RNF19A: variants seen among roughly 807,000 people sequenced by gnomAD.
The protein encoded by RNF19A is ring finger protein 19A, RBR E3 ubiquitin protein ligase.
A neutral mutation model predicts 75.7 loss-of-function variants in RNF19A; 32 were observed. The ratio of observed to expected loss-of-function variants is 0.42; its 90% CI spans 0.32 to 0.57. The LOEUF is 0.57. Ranked by LOEUF, RNF19A falls within the 20% of genes least tolerant of loss-of-function variation. The pLI, the probability that RNF19A is intolerant of heterozygous loss-of-function variation, is 0.10. For synonymous variants in RNF19A, 335 were observed against 345.2 expected, an observed-to-expected ratio of 0.97 and a Z score of 0.33; for missense variants, 782 against 1,036.3, an observed-to-expected ratio of 0.75 and a Z score of 3.37.
chr8:100,267,678 CTTT>C (rs34590798), intron 5 of RNF19A, among the ~76,000 whole-genome samples: 3 of 138,656 alleles, frequency 2.2e-5, no homozygotes, highest in Non-Finnish European at 3.1e-5. Flanking sequence ...CTTGTTAGTT[CTTT>C]TTTTTTTTTT....
intron 1 of RNF19A, among the ~76,000 whole-genome samples, chr8:100,292,063 G>C (rs1193263018): frequency 7.1e-6 from 1 of 141,706 alleles, no homozygotes; most frequent in African/African-American, 2.6e-5. Context: ...CACTACAGAA[G>C]CTTAAAGCTA....
At position 100,317,660 on chromosome 8, in the gene RNF19A, T is replaced by C. The variant is rs1172039781; in HGVS notation, c.-242-4288A>G. Among the ~76,000 whole-genome samples the C allele has an allele frequency of 6.6e-6, 1 of 152,176 alleles. No homozygotes were observed. The highest frequency in any genetic ancestry group is 1.9e-4 in the East Asian group (1 of 5,194). ...GTGCTGGTGACCTGGACCAGAATCC[T>C]CCAGAGGCTTCTACAAATTGAGCTG... is the stretch of plus-strand genomic sequence containing the variant. On this transcript the variant is annotated intron_variant, in intron 1 of 3. Transcript: ENST00000519527. This position sits in a 1 kb window ranked among gnomAD's most constrained non-coding sequence, Gnocchi z 4.3.
At chr8:100,263,803 G>A (rs1222813228) in intron 7 of RNF19A, among the ~76,000 whole-genome samples, 2 of 152,084 alleles carry the variant, frequency 1.3e-5, no homozygotes, top group Admixed American at 6.5e-5. Flanking sequence ...AAAAGTTTAT[G>A]ATTTCTAAGA....
chr8:100,270,151 GTATA>G, intron 3 of RNF19A, 138 bp from the exon 4 acceptor site: 1 of 570,244 alleles, frequency 1.8e-6, no homozygotes, highest in Non-Finnish European at 2.7e-6. Context: ...GCTGTTTTTA[GTATA>G]TAAAGCATTT....
At chr8:100,307,026 T>C (rs556410747) in intron 1 of RNF19A, among the ~76,000 whole-genome samples, 1 of 152,344 alleles carries the variant, frequency 6.6e-6, no homozygotes, top group Non-Finnish European at 1.5e-5. Flanking sequence ...ATGTGCTAGT[T>C]TGCCAAATAC....
In RNF19A at chr8:100,257,820, C is replaced by A; in HGVS notation, c.*736G>T. On this transcript the variant is annotated 3_prime_UTR_variant, in exon 10 of 10. Transcript: ENST00000341084. ...GGTGGATTTTTTGTAATACTTATAACCTAATGGGACTTTATTTTGTAGTTT... is the reference window on the plus strand; with the variant it reads ...GGTGGATTTTTTGTAATACTTATAAACTAATGGGACTTTATTTTGTAGTTT... 2.6e-6 allele frequency: 1 copy of A among 389,548 alleles called. No homozygotes were observed. The highest frequency in any genetic ancestry group is 4.5e-6 in the Non-Finnish European group (1 of 220,590). The allele number at this position is 389,548 out of a possible 1,614,324, so 24.1% of individuals were successfully genotyped here.
At position 100,274,819 on chromosome 8, in the gene RNF19A, T is replaced by C. The variant is rs548849680; in HGVS notation, c.883+134A>G. The C allele has an allele frequency of 3.9e-4, 254 of 651,874 alleles. 1 individual carries two copies. The highest frequency in any genetic ancestry group is 2.9e-3 in the Middle Eastern group (7 of 2,422). The allele number at this position is 651,874 out of a possible 1,614,324, so 40.4% of individuals were successfully genotyped here. A position where few individuals can be genotyped will look rare whatever the true frequency, so the allele number is the denominator to read the frequency against. ...ACTTTCTTCCATAGGAAAGAATGAG[T>C]GCTTCTGGGATAGAAATGCACTTAA... On this transcript the variant is annotated intron_variant, in intron 3 of 9. Transcript: ENST00000341084.
chr8:100,270,642 T>C (rs557339700), intron 3 of RNF19A, among the ~76,000 whole-genome samples: 20 of 152,126 alleles, frequency 1.3e-4, no homozygotes, highest in Middle Eastern at 3.4e-3. Context: ...GTACCCAAAA[T>C]ACAAGGAAGG....
In RNF19A at chr8:100,317,078, TGCCAAGCCCAC is replaced by T. The variant is rs1822392629; in HGVS notation, c.-242-3717_-242-3707del. Reference sequence around the variant, plus strand: ...GCCCGGCTACTCTGAGTGCGGGGCCTGCCAAGCCCACGCCCACGCCCACCCGGAACTCCAGC... The same window carrying T: ...GCCCGGCTACTCTGAGTGCGGGGCCTGCCCACGCCCACCCGGAACTCCAGC... On this transcript the variant is annotated intron_variant, in intron 1 of 3. Transcript: ENST00000519527. This position sits in a 1 kb window ranked among gnomAD's most constrained non-coding sequence, Gnocchi z 4.3. Among the ~76,000 whole-genome samples, 1 of 151,244 alleles carries T rather than the reference TGCCAAGCCCAC, an allele frequency of 6.6e-6. No individual in the cohort carries two copies. Among genetic ancestry groups the T allele is most frequent in the South Asian group, 2.1e-4 (1 of 4,770 alleles).
At chr8:100,297,177 C>T (rs1419745056) in intron 1 of RNF19A, among the ~76,000 whole-genome samples, 1 of 152,102 alleles carries the variant, frequency 6.6e-6, no homozygotes, top group Non-Finnish European at 1.5e-5. Context: ...CTATTAATAA[C>T]AGACATGAAG....
At chr8:100,289,630 G>T (rs1272681802) in intron 1 of RNF19A, among the ~76,000 whole-genome samples, 1 of 152,150 alleles carries the variant, frequency 6.6e-6, no homozygotes, top group Non-Finnish European at 1.5e-5. Context: ...AAAATTAAAA[G>T]ACTGACATTT....
intron 3 of RNF19A, among the ~76,000 whole-genome samples, chr8:100,270,664 TAAGG>T (rs1156717390): frequency 2.0e-5 from 3 of 152,092 alleles, no homozygotes; most frequent in Admixed American, 1.3e-4. Context: ...AGGAAGAGAT[TAAGG>T]AAGGGTCATA....
intron 1 of RNF19A, among the ~76,000 whole-genome samples, chr8:100,290,793 T>C (rs1821257707): frequency 6.6e-6 from 1 of 152,208 alleles, no homozygotes; most frequent in South Asian, 2.1e-4. Flanking sequence ...GGGTATACTG[T>C]ATAGATTATT....
intron 1 of RNF19A, among the ~76,000 whole-genome samples, chr8:100,295,616 G>A (rs1821519682): frequency 6.6e-6 from 1 of 152,090 alleles, no homozygotes; most frequent in South Asian, 2.1e-4. Flanking sequence ...ATGTAGTGTT[G>A]CAAACACCAT....
chr8:100,271,334 A>C (rs1395100973), intron 3 of RNF19A, among the ~76,000 whole-genome samples: 3 of 152,186 alleles, frequency 2.0e-5, no homozygotes, highest in Non-Finnish European at 4.4e-5. Flanking sequence ...AAAGAACATG[A>C]AGTCTGCATT....
intron 1 of RNF19A, among the ~76,000 whole-genome samples, chr8:100,327,108 G>A (rs913805082): frequency 6.6e-6 from 1 of 152,044 alleles, no homozygotes; most frequent in Non-Finnish European, 1.5e-5. Context: ...CACATCTTTG[G>A]TTTGGTTTTT....
chr8:100,300,049 T>C (rs1012130033), intron 1 of RNF19A, among the ~76,000 whole-genome samples: 2 of 152,150 alleles, frequency 1.3e-5, no homozygotes, highest in African/African-American at 4.8e-5. Flanking sequence ...TAGAACTTAG[T>C]TTTAAAATTT....
intron 1 of RNF19A, among the ~76,000 whole-genome samples, chr8:100,292,982 T>TG (rs1339210992): frequency 6.6e-6 from 1 of 151,694 alleles, no homozygotes; most frequent in African/African-American, 2.4e-5. Flanking sequence ...CAGATGGAGG[T>TG]GGGGGGTGGG....
Position 100,259,856 on chromosome 8 carries a change from G to A in RNF19A, c.1824C>T (p.Asp608=). 1 of 1,605,892 alleles carries A rather than the reference G, an allele frequency of 6.2e-7. No homozygotes were observed. Among genetic ancestry groups the A allele is most frequent in the Non-Finnish European group, 8.5e-7 (1 of 1,176,758 alleles). Residue 608 remains aspartate (D), a splice_region_variant and synonymous_variant, in exon 9 of 10, where the codon GAC becomes GAT. Coordinates refer to ENST00000341084, the MANE Select transcript of RNF19A (RefSeq NM_183419.4). This position sits in a 1 kb window ranked among gnomAD's most constrained non-coding sequence, Gnocchi z 4.5. ...GSILNSYIPL[D]KEGNSMEVQV... ...TTTTTTAACAGTTTTTTCCTTACTT[G>A]TCCAATGGGATGTAGGAATTCAGAA...
Sources: gnomAD v4.1 joint callset for allele counts (sites outside exome capture counted in the v4.1 genomes callset) on GRCh38, gnomAD v4.1.1 for gene constraint, Gnocchi (gnomAD v3.1) non-coding constraint, MANE v1.5 for transcripts, NCBI Gene and HGNC (gene_info 2026-07-23, HGNC 2026-07-21) for gene names.